Variants in KMT2D observed in about 807,000 individuals in gnomAD.
The protein encoded by KMT2D is lysine methyltransferase 2D, also known as histone-lysine N-methyltransferase 2D.
KMT2D carries 55 observed loss-of-function variants against 512.7 expected under a neutral mutation model. The ratio of observed to expected loss-of-function variants is 0.11; its 90% CI spans 0.09 to 0.13. The LOEUF (loss-of-function observed/expected upper bound fraction) is 0.13, where lower values mean the gene tolerates loss of function less well. Ranked by LOEUF, KMT2D falls within the 10% of genes least tolerant of loss-of-function variation. KMT2D has a pLI of 1.00. For synonymous variants in KMT2D, 2,995 were observed against 2,904.0 expected, an observed-to-expected ratio of 1.03 and a Z score of -1.01; for missense variants, 6,061 against 7,127.9, an observed-to-expected ratio of 0.85 and a Z score of 5.39.
At position 49,040,558 on chromosome 12, in the gene KMT2D, G is replaced by A. The variant is rs1329492022; in HGVS notation, c.7212C>T (p.Pro2404=). The A allele has an allele frequency of 1.9e-6, 3 of 1,612,080 alleles. No homozygotes were observed. Among genetic ancestry groups the A allele is most frequent in the Non-Finnish European group, 2.5e-6 (3 of 1,178,682 alleles). Residue 2404 remains proline (P), a synonymous_variant, in exon 32 of 55, where the codon CCC becomes CCT. Coordinates refer to ENST00000301067, the MANE Select transcript of KMT2D (RefSeq NM_003482.4). ...CAGGCACTCGGGAGAAAGGGTCGGAGGGCAGTGAGCGAGGGGGCAGAGCAC... is the reference window on the plus strand; with the variant it reads ...CAGGCACTCGGGAGAAAGGGTCGGAAGGCAGTGAGCGAGGGGGCAGAGCAC... ...SCCALPPRSL[P]SDPFSRVPAS... is the part of the protein sequence containing the mutation.
chr12:49,051,565 AGGTGAGTCCTCAGGTGGTGGGGATGTG>A lies in KMT2D; in HGVS notation c.2091_2117del (p.Thr698_Pro706del). The A allele has an allele frequency of 6.2e-7, 1 of 1,604,936 alleles. No homozygotes were observed. On this transcript the variant is annotated inframe_deletion, in exon 11 of 55. Transcript: ENST00000301067. ...GCGAGTCCTCCGGTGGTGGGGAAGC[AGGTGAGTCCTCAGGTGGTGGGGATGTG>A]GGGGAGTCCTCAGGTGGTGGGGAGA...
Position 49,031,981 on chromosome 12 carries a change from G to A in KMT2D, c.12724C>T (p.Pro4242Ser), listed in dbSNP as rs572421556. The A allele has an allele frequency of 2.3e-5, 36 of 1,579,632 alleles. No individual in the cohort carries two copies. The highest frequency in any genetic ancestry group is 2.9e-5 in the Non-Finnish European group (34 of 1,160,380). The change falls in exon 40 of 55, where the codon CCC (proline) becomes TCC (serine). Residue 4242 changes from proline (P) to serine (S), a missense_variant. Pro to Ser is a moderately conservative substitution (Grantham distance 74, BLOSUM62 -1). Coordinates refer to ENST00000301067, the MANE Select transcript of KMT2D (RefSeq NM_003482.4). The stretch of plus-strand genomic sequence containing the variant: ...GTCTGGGTCCCAGGCTCCTGGTAGG[G>A]TGGGGTCTGGCGTACTGCCTGACTC... ...QQSQAVRQTP[P>S]YQEPGTQTSP...
rs748537118 is a variant in KMT2D at position 49,032,069 on chromosome 12, C to T, written c.12636G>A (p.Arg4212=). The change falls in exon 40 of 55, where the codon CGG becomes CGA. Residue 4212 remains arginine, a synonymous_variant. Coordinates refer to ENST00000301067, the MANE Select transcript of KMT2D (RefSeq NM_003482.4). ...QGVLAKNPQL[R]HLSPQQQQQL... is the part of the protein sequence containing the mutation. ...GCTGCTGCTGCTGAGGACTTAAGTG[C>T]CGCAGCTGTGGGTTTTTGGCCAGGA... is the stretch of plus-strand genomic sequence containing the variant. The T allele has an allele frequency of 1.2e-6, 2 of 1,613,812 alleles. No homozygotes were observed. Among genetic ancestry groups the T allele is most frequent in the Non-Finnish European group, 1.7e-6 (2 of 1,179,800 alleles).
Position 49,053,258 on chromosome 12 carries a change from G to C in KMT2D, c.903C>G (p.Phe301Leu), listed in dbSNP as rs1033142865. The C allele has an allele frequency of 1.2e-6, 2 of 1,613,892 alleles. No individual in the cohort carries two copies. The highest frequency in any genetic ancestry group is 1.7e-6 in the Non-Finnish European group (2 of 1,179,894). Residue 301 changes from phenylalanine to leucine, a missense_variant, in exon 8 of 55, where the codon TTC becomes TTG. Physicochemically the swap from Phe to Leu is conservative, Grantham distance 22. Around this residue, in one of 16 missense-constraint regions of KMT2D, gnomAD observed 160 missense variants for 225.8 expected, o/e 0.71. Coordinates refer to ENST00000301067, the MANE Select transcript of KMT2D (RefSeq NM_003482.4). Reference protein sequence around the residue: ...CETCDKGYHTFCLKPPMEELP... With the variant: ...CETCDKGYHTLCLKPPMEELP... Reference sequence around the variant, plus strand: ...GTTCCTCCATGGGTGGTTTTAGGCAGAAAGTATGGTATCCTTTGTCACACG... The same window carrying C: ...GTTCCTCCATGGGTGGTTTTAGGCACAAAGTATGGTATCCTTTGTCACACG...
In KMT2D at chr12:49,050,992, C is replaced by T. The variant is rs373758111; in HGVS notation, c.2691G>A (p.Glu897=). 7.6e-6 allele frequency: 12 copies of T among 1,570,030 alleles called. No individual in the cohort carries two copies. The highest frequency in any genetic ancestry group is 9.5e-6 in the Non-Finnish European group (11 of 1,159,062). ...GEPSLSPLLG[E]PALSEPGEPP... is the part of the protein sequence containing the mutation. ...GTTCCCCAGGCTCAGACAGGGCTGGCTCTCCAAGCAAGGGAGATAAGGATG... is the reference window on the plus strand; with the variant it reads ...GTTCCCCAGGCTCAGACAGGGCTGGTTCTCCAAGCAAGGGAGATAAGGATG... Residue 897 remains glutamate (E), a synonymous_variant, in exon 11 of 55, where the codon GAG becomes GAA. Coordinates refer to ENST00000301067, the MANE Select transcript of KMT2D (RefSeq NM_003482.4).
In KMT2D at chr12:49,032,049, T is replaced by G. The variant is rs1486931783; in HGVS notation, c.12656A>C (p.Gln4219Pro). ...CATGAGGAGTGCCTGTAGCTGCTGC[T>G]GCTGCTGAGGACTTAAGTGCCGCAG... ...PQLRHLSPQQ[Q>P]QQLQALLMQR... Residue 4219 changes from glutamine (Q) to proline (P), a missense_variant, in exon 40 of 55, where the codon CAG becomes CCG. By Grantham distance (76) the Gln-to-Pro change is moderately conservative. This residue lies in a region of KMT2D where 1,600 missense variants were observed against 1,754.9 expected (regional missense o/e 0.91). Transcript: ENST00000301067. 1.9e-6 allele frequency: 3 copies of G among 1,613,606 alleles called. No homozygotes were observed. Among genetic ancestry groups the G allele is most frequent in the Non-Finnish European group, 2.5e-6 (3 of 1,179,650 alleles).
chr12:49,044,015 AG>A lies in KMT2D; in HGVS notation c.5189-18del, dbSNP rs1943667587. ...CAGGTATCACTGTGGACAGAACGGA[AG>A]TGTCAGACTCGGGTTGAGAGCATGC... On this transcript the variant is annotated intron_variant, in intron 22 of 54. Coordinates refer to ENST00000301067, the MANE Select transcript of KMT2D (RefSeq NM_003482.4). The surrounding 1 kb of genome is among the most constrained non-coding windows in gnomAD (Gnocchi z 6.4). The A allele has an allele frequency of 6.2e-7, 1 of 1,613,512 alleles. No homozygotes were observed. The highest frequency in any genetic ancestry group is 8.5e-7 in the Non-Finnish European group (1 of 1,179,536).
intron 1 of KMT2D, 127 bp from the exon 2 acceptor site, chr12:49,055,488 A>G: frequency 1.7e-6 from 1 of 604,972 alleles, no homozygotes; most frequent in Non-Finnish European, 2.9e-6. Context: ...ACAAACTCCT[A>G]TACTGACAAG....
At chr12:49,047,925 C>T (rs1312455664) in intron 15 of KMT2D, 40 bp downstream of exon 15, 8 of 1,391,536 alleles carry the variant, frequency 5.7e-6, no homozygotes, top group Admixed American at 1.7e-5. Context: ...AAATAACTGA[C>T]CCTATTCCCC....
chr12:49,039,304 C>T lies in KMT2D; in HGVS notation c.8284G>A (p.Gly2762Arg), dbSNP rs2120510274. ...PPSKLSGPIL[G>R]PGSFPSDDRL... Reference sequence around the variant, plus strand: ...TCATCGCTAGGGAAGGACCCTGGCCCCAGGATGGGGCCACTCAGCTTGCTT... The same window carrying T: ...TCATCGCTAGGGAAGGACCCTGGCCTCAGGATGGGGCCACTCAGCTTGCTT... Residue 2762 changes from glycine to arginine, a missense_variant, in exon 34 of 55, where the codon GGG becomes AGG. This residue lies in a region of KMT2D where 527 missense variants were observed against 578.9 expected (regional missense o/e 0.91). Coordinates refer to ENST00000301067, the MANE Select transcript of KMT2D (RefSeq NM_003482.4). This position sits in a 1 kb window ranked among gnomAD's most constrained non-coding sequence, Gnocchi z 5.0. 1 of 1,613,756 alleles carries T rather than the reference C, an allele frequency of 6.2e-7. No individual in the cohort carries two copies. Among genetic ancestry groups the T allele is most frequent in the Non-Finnish European group, 8.5e-7 (1 of 1,179,856 alleles).
chr12:49,037,908 G>T lies in KMT2D; in HGVS notation c.9448C>A (p.Leu3150Ile). The T allele has an allele frequency of 6.2e-7, 1 of 1,604,362 alleles. No individual in the cohort carries two copies. Among genetic ancestry groups the T allele is most frequent in the East Asian group, 2.2e-5 (1 of 44,488 alleles). ...KVEPAPAANSLGLGLKPGQSM... is the reference protein window; with the variant it reads ...KVEPAPAANSIGLGLKPGQSM... ...TGTCCTGGCTTTAGCCCCAGGCCAA[G>T]GGAATTGGCAGCAGGTGCGGGCTCT... is the stretch of plus-strand genomic sequence containing the variant. Residue 3150 changes from leucine to isoleucine, a missense_variant, in exon 35 of 55, where the codon CTT becomes ATT. By Grantham distance (5) the Leu-to-Ile change is conservative. Coordinates refer to ENST00000301067, the MANE Select transcript of KMT2D (RefSeq NM_003482.4).
chr12:49,050,293 C>T lies in KMT2D; in HGVS notation c.3295G>A (p.Gly1099Arg), dbSNP rs1479300325. The stretch of plus-strand genomic sequence containing the variant: ...CTGGGGGCGGGGCAGGAAAGGTCCC[C>T]CATTGGGGAAGGGAGAGGACTGGTG... ...SATSPLPSPMGDLSCPAPSPA... is the reference protein window; with the variant it reads ...SATSPLPSPMRDLSCPAPSPA... Residue 1099 changes from glycine (G) to arginine (R), a missense_variant, in exon 12 of 55, where the codon GGG (glycine) becomes AGG (arginine). This residue lies in a region of KMT2D where 447 missense variants were observed against 500.1 expected (regional missense o/e 0.89). Coordinates refer to ENST00000301067, the MANE Select transcript of KMT2D (RefSeq NM_003482.4). The T allele has an allele frequency of 6.2e-7, 1 of 1,611,274 alleles. No homozygotes were observed. The highest frequency in any genetic ancestry group is 8.5e-7 in the Non-Finnish European group (1 of 1,178,750).
chr12:49,035,009 A>G (rs1943146387), intron 35 of KMT2D, 74 bp from the exon 36 acceptor site: 1 of 1,577,960 alleles, frequency 6.3e-7, no homozygotes, highest in African/African-American at 1.3e-5. Context: ...TCCCTTCAAC[A>G]TCCTGACTTC....
rs1555190514 is a variant in KMT2D, at chr12:49,037,917, C to T, written c.9439G>A (p.Ala3147Thr). ...ATPKVEPAPA[A>T]NSLGLGLKPG... ...TTTAGCCCCAGGCCAAGGGAATTGG[C>T]AGCAGGTGCGGGCTCTACCTTGGGG... is the stretch of plus-strand genomic sequence containing the variant. The change falls in exon 35 of 55, where the codon GCC becomes ACC. Residue 3147 changes from alanine (A) to threonine (T), a missense_variant. Coordinates refer to ENST00000301067, the MANE Select transcript of KMT2D (RefSeq NM_003482.4). The T allele has an allele frequency of 1.2e-6, 2 of 1,604,488 alleles. No individual in the cohort carries two copies. The highest frequency in any genetic ancestry group is 1.7e-6 in the Non-Finnish European group (2 of 1,175,758).
At position 49,027,362 on chromosome 12, in the gene KMT2D, A is replaced by T. The variant is rs531389150; in HGVS notation, c.14644-40T>A. ...CCTGTATCATTAGTGCCAGCTCCTC[A>T]TCTAACTAGCTCCCTCCTTCCCCTC... On this transcript the variant is annotated intron_variant, in intron 48 of 54. Coordinates refer to ENST00000301067, the MANE Select transcript of KMT2D (RefSeq NM_003482.4). The T allele has an allele frequency of 1.8e-5, 27 of 1,468,798 alleles. 1 individual carries two copies. The South Asian group carries it at 3.5e-4, about 19-fold the overall frequency. The allele number at this position is 1,468,798 out of a possible 1,614,324, so 91.0% of individuals were successfully genotyped here.
intron 46 of KMT2D, among the ~76,000 whole-genome samples, chr12:49,028,572 T>C (rs1000064979): frequency 2.6e-5 from 4 of 152,214 alleles, no homozygotes; most frequent in African/African-American, 7.2e-5. Flanking sequence ...TGCTGTCATG[T>C]AGTACCTGTG....
At position 49,034,938 on chromosome 12, in the gene KMT2D, G is replaced by A. The variant is rs766208946; in HGVS notation, c.10232-3C>T. On this transcript the variant is annotated splice_polypyrimidine_tract_variant and splice_region_variant and intron_variant, in intron 35 of 54. Coordinates refer to ENST00000301067, the MANE Select transcript of KMT2D (RefSeq NM_003482.4). ...TTCTGCAGCAAATTTGTCCAGGTCT[G>A]GAGAGGGGAGAACCAAGTGAGCTGG... The A allele has an allele frequency of 3.7e-6, 6 of 1,613,800 alleles. No individual in the cohort carries two copies. Among genetic ancestry groups the A allele is most frequent in the African/African-American group, 2.7e-5 (2 of 74,932 alleles).
rs1224439695 is a variant in KMT2D, at chr12:49,046,225, A to C, written c.4583+35T>G. ...AAGCTCAGGCAATGCGAGGCTGGCAACAGGGCCAAAGTGAGGAGAAAGGGA... is the reference window on the plus strand; with the variant it reads ...AAGCTCAGGCAATGCGAGGCTGGCACCAGGGCCAAAGTGAGGAGAAAGGGA... On this transcript the variant is annotated intron_variant, in intron 17 of 54. Transcript: ENST00000301067. This position sits in a 1 kb window ranked among gnomAD's most constrained non-coding sequence, Gnocchi z 4.2. The C allele has an allele frequency of 2.5e-6, 4 of 1,613,766 alleles. No individual in the cohort carries two copies. The Admixed American group carries it at 6.7e-5, about 27-fold the overall frequency.
intron 12 of KMT2D, among the ~76,000 whole-genome samples, 157 bp from the exon 13 acceptor site, chr12:49,049,375 T>A (rs1937777823): frequency 1.3e-5 from 2 of 152,012 alleles, no homozygotes; most frequent in African/African-American, 2.4e-5. Flanking sequence ...CTCCCAGATA[T>A]CAACAAGCGC....
Sources: allele counts gnomAD v4.1 joint callset (sites outside exome capture counted in the v4.1 genomes callset), GRCh38; gene constraint gnomAD v4.1.1; regional missense constraint gnomAD v4.1.1; non-coding constraint Gnocchi (gnomAD v3.1); transcripts MANE v1.5; gene names NCBI Gene and HGNC (gene_info 2026-07-23, HGNC 2026-07-21).